The following CACNA2D3 variants were observed in gnomAD, a reference collection of about 807,000 sequenced individuals.
CACNA2D3 encodes the protein calcium voltage-gated channel auxiliary subunit alpha2delta 3.
A neutral mutation model predicts 160.6 loss-of-function variants in CACNA2D3; 60 were observed. The observed-to-expected ratio is 0.37, with a 90% CI of 0.30 to 0.46. The LOEUF (loss-of-function observed/expected upper bound fraction) is 0.46, where lower values mean the gene tolerates loss of function less well. Ranked by LOEUF, CACNA2D3 falls within the 20% of genes least tolerant of loss-of-function variation. The pLI is 1.00. For missense variants in CACNA2D3, 1,205 were observed against 1,365.0 expected (o/e 0.88, Z 1.85); for synonymous variants, 558 against 492.9 (o/e 1.13, Z -1.75).
At chr3:54,229,625 A>G (rs894244137) in intron 2 of CACNA2D3, among the ~76,000 whole-genome samples, 18 of 152,174 alleles carry the variant, frequency 1.2e-4, no homozygotes, top group African/African-American at 4.1e-4. Context: ...ATGAATCACC[A>G]TGCCCGGCCT....
intron 23 of CACNA2D3, among the ~76,000 whole-genome samples, chr3:54,886,820 A>T (rs765448175): frequency 1.3e-5 from 2 of 151,136 alleles, no homozygotes; most frequent in African/African-American, 2.5e-5. Context: ...ATTTGTGTTG[A>T]TCATTTAGCT....
At chr3:54,781,090 ATTT>A (rs1702527118) in intron 13 of CACNA2D3, among the ~76,000 whole-genome samples, 1 of 152,094 alleles carries the variant, frequency 6.6e-6, no homozygotes, top group East Asian at 1.9e-4. Flanking sequence ...AATAATCTTA[ATTT>A]TAACTATTAA....
At chr3:54,198,230 T>G (rs28400324) in intron 2 of CACNA2D3, among the ~76,000 whole-genome samples, 5,251 of 152,312 alleles carry the variant, frequency 0.034, 277 homozygotes, top group African/African-American at 0.11. Flanking sequence ...ATAGGCTCCT[T>G]GTGGCTCTGC....
intron 1 of CACNA2D3, 87 bp downstream of exon 1, chr3:54,122,922 C>G: frequency 8.8e-7 from 1 of 1,132,740 alleles, no homozygotes; most frequent in Non-Finnish European, 1.1e-6. Context: ...GCAGGTGCGG[C>G]TGGGCAGGAC....
chr3:54,892,523 C>T (rs1212375998), intron 25 of CACNA2D3, among the ~76,000 whole-genome samples: 2 of 152,194 alleles, frequency 1.3e-5, no homozygotes, highest in East Asian at 1.9e-4. Context: ...AATTCTGTTC[C>T]AGGACTTTGA....
intron 2 of CACNA2D3, among the ~76,000 whole-genome samples, chr3:54,234,291 T>G (rs1467821762): frequency 6.6e-6 from 1 of 152,096 alleles, no homozygotes; most frequent in African/African-American, 2.4e-5. Flanking sequence ...TGAGATACCA[T>G]CTTACACCAG....
rs1028417827 is a variant in CACNA2D3, at chr3:54,859,980, A to G, written c.1627-11559A>G. 4.8e-3 allele frequency among the ~76,000 whole-genome samples: 707 copies of G among 148,436 alleles called. 2 individuals are homozygous for G. Among genetic ancestry groups the G allele is most frequent in the African/African-American group, 0.014 (545 of 39,368 alleles). ...TCATCTGGAAAGTAGATGCACACAC[A>G]CACACACACACACACACACACACAC... On this transcript the variant is annotated intron_variant, in intron 17 of 37. Transcript: ENST00000474759.
intron 35 of CACNA2D3, among the ~76,000 whole-genome samples, chr3:55,026,988 C>G (rs1409679384): frequency 6.9e-6 from 1 of 145,078 alleles, no homozygotes; most frequent in Non-Finnish European, 1.5e-5. Context: ...AGCGCGCATG[C>G]ACGCACACAC....
chr3:54,200,472 G>A (rs1404990025), intron 2 of CACNA2D3, among the ~76,000 whole-genome samples: 1 of 152,196 alleles, frequency 6.6e-6, no homozygotes, highest in South Asian at 2.1e-4. Flanking sequence ...TTTCAAAGAA[G>A]TAAGGAGAAT....
intron 11 of CACNA2D3, among the ~76,000 whole-genome samples, chr3:54,707,928 G>A (rs951834794): frequency 1.8e-4 from 27 of 152,150 alleles, no homozygotes; most frequent in Non-Finnish European, 2.1e-4. Context: ...TTTTGCTGTT[G>A]GAGTTAGACC....
intron 8 of CACNA2D3, among the ~76,000 whole-genome samples, chr3:54,571,167 T>A (rs975241354): frequency 6.6e-6 from 1 of 152,122 alleles, no homozygotes; most frequent in Non-Finnish European, 1.5e-5. Context: ...TCTAAAGAGC[T>A]GGGGGTGAAT....
At chr3:54,657,233 G>T (rs1699889841) in intron 11 of CACNA2D3, among the ~76,000 whole-genome samples, 1 of 152,190 alleles carries the variant, frequency 6.6e-6, no homozygotes, top group Non-Finnish European at 1.5e-5. Context: ...GGAACCCGCG[G>T]TCTGGATGTG....
At chr3:54,677,620 T>TGGG (rs5849051) in intron 11 of CACNA2D3, among the ~76,000 whole-genome samples, 5 of 143,396 alleles carry the variant, frequency 3.5e-5, no homozygotes, top group African/African-American at 1.3e-4. Flanking sequence ...GTTTTTTTTT[T>TGGG]GGGGGGGGGG....
chr3:54,699,476 C>A (rs1345062326), intron 11 of CACNA2D3, among the ~76,000 whole-genome samples: 1 of 152,164 alleles, frequency 6.6e-6, no homozygotes, highest in East Asian at 1.9e-4. Flanking sequence ...CAGAAGCCAG[C>A]GTTTCCTTCT....
intron 14 of CACNA2D3, among the ~76,000 whole-genome samples, chr3:54,834,439 C>T (rs1201809736): frequency 6.6e-6 from 1 of 152,112 alleles, no homozygotes; most frequent in Non-Finnish European, 1.5e-5. Context: ...TTGAAAATGG[C>T]CTTGCAGGTT....
intron 2 of CACNA2D3, among the ~76,000 whole-genome samples, chr3:54,231,054 G>C (rs573813527): frequency 6.6e-6 from 1 of 152,254 alleles, no homozygotes; most frequent in South Asian, 2.1e-4. Flanking sequence ...ACAGGCTGTG[G>C]TTTACAAAAA....
intron 4 of CACNA2D3, among the ~76,000 whole-genome samples, chr3:54,472,250 A>G (rs1017678864): frequency 1.3e-5 from 2 of 152,216 alleles, no homozygotes; most frequent in African/African-American, 4.8e-5. Flanking sequence ...AACATACACA[A>G]ATCAATAAAT....
intron 5 of CACNA2D3, among the ~76,000 whole-genome samples, chr3:54,528,866 G>A (rs1701764881): frequency 6.6e-6 from 1 of 152,188 alleles, no homozygotes; most frequent in African/African-American, 2.4e-5. Context: ...CTCCATTGTA[G>A]CTCAAAGTCA....
chr3:54,362,319 A>G (rs977994496), intron 3 of CACNA2D3, among the ~76,000 whole-genome samples: 4 of 151,980 alleles, frequency 2.6e-5, no homozygotes, highest in Admixed American at 2.6e-4. Context: ...TGGGGTCCCC[A>G]TTTTCTTGCT....
Sources: gnomAD v4.1 joint callset for allele counts (sites outside exome capture counted in the v4.1 genomes callset) on GRCh38, gnomAD v4.1.1 for gene constraint, MANE v1.5 for transcripts, NCBI Gene and HGNC (gene_info 2026-07-23, HGNC 2026-07-21) for gene names.